The following BBS2 variants were observed in gnomAD, a reference collection of about 807,000 sequenced individuals.
The protein encoded by BBS2 is BBSome complex member BBS2.
A neutral mutation model predicts 83.0 loss-of-function variants in BBS2; 62 were observed. That is an observed-to-expected ratio of 0.75 (90% confidence interval 0.61 to 0.92). The LOEUF is 0.92. Among genes scored for constraint, BBS2 ranks in the 40% least tolerant of loss-of-function variants. The pLI, the probability that BBS2 is intolerant of heterozygous loss-of-function variation, is 0.00. For synonymous variants in BBS2, 303 were observed against 326.1 expected (o/e 0.93, Z 0.76); for missense variants, 784 against 901.0 (o/e 0.87, Z 1.66).
intron 17 of BBS2, chr16:56,479,179 T>C (rs1248016641): frequency 3.3e-5 from 5 of 152,176 alleles, no homozygotes; most frequent in African/African-American, 1.2e-4. Context: ...CCAAAGAAAA[T>C]AGCTCTATGG....
chr16:56,494,894 G>A (rs1026142193), intron 15 of BBS2, among the ~76,000 whole-genome samples: 5 of 151,686 alleles, frequency 3.3e-5, no homozygotes, highest in African/African-American at 7.3e-5. Context: ...CCCGGGAGGC[G>A]GAGGTTGCAG....
At position 56,519,949 on chromosome 16, in the gene BBS2, G is replaced by C; in HGVS notation, c.-87C>G. 1 of 1,159,982 alleles carries C rather than the reference G, an allele frequency of 8.6e-7. No individual in the cohort carries two copies. 71.9% of individuals were successfully genotyped at this position (1,159,982 alleles called of 1,614,324 possible). A position where few individuals can be genotyped will look rare whatever the true frequency, so the allele number is the denominator to read the frequency against. On this transcript the variant is annotated 5_prime_UTR_variant, in exon 1 of 17. Transcript: ENST00000245157. ...CACGCGCCCGGGCAAGAAGTGCAGG[G>C]ACACTACCTGCGCGGCCCCAGCCGC...
At chr16:56,510,644 C>T (rs1214583459) in intron 4 of BBS2, among the ~76,000 whole-genome samples, 1 of 152,166 alleles carries the variant, frequency 6.6e-6, no homozygotes, top group African/African-American at 2.4e-5. Context: ...TCTGAAACAC[C>T]ATGGCTTTGA....
At chr16:56,508,119 G>C (rs1964473690) in intron 5 of BBS2, among the ~76,000 whole-genome samples, 1 of 152,128 alleles carries the variant, frequency 6.6e-6, no homozygotes, top group Non-Finnish European at 1.5e-5. Flanking sequence ...AAGTATAGTA[G>C]GACTAAATAA....
In BBS2 at chr16:56,514,774, C is replaced by T. The variant is rs1964686485; in HGVS notation, c.118-94G>A. ...AAGAACCAGGTTATTAACACATCCA[C>T]ATTAACAAGAGGTCACTTTAATCTC... On this transcript the variant is annotated intron_variant, in intron 1 of 16. Coordinates refer to ENST00000245157, the MANE Select transcript of BBS2 (RefSeq NM_031885.5). 4.3e-6 allele frequency: 4 copies of T among 920,586 alleles called. 1 individual carries two copies. In the South Asian group the frequency reaches 4.6e-5, roughly 11 times the overall value. The allele number at this position is 920,586 out of a possible 1,614,324, so 57.0% of individuals were successfully genotyped here.
At position 56,497,097 on chromosome 16, in the gene BBS2, T is replaced by G. The variant is rs1324625065; in HGVS notation, c.1798-18A>C. ...TCATCCACCTGGAGACCATGAACAC[T>G]CAGGAATGAAAAAGGCCTCACAAAC... On this transcript the variant is annotated intron_variant, in intron 14 of 16. Coordinates refer to ENST00000245157, the MANE Select transcript of BBS2 (RefSeq NM_031885.5). 1 of 1,544,878 alleles carries G rather than the reference T, an allele frequency of 6.5e-7. No individual in the cohort carries two copies. Among genetic ancestry groups the G allele is most frequent in the Non-Finnish European group, 9.0e-7 (1 of 1,117,100 alleles).
At chr16:56,496,621 G>GC (rs1964122416) in intron 15 of BBS2, among the ~76,000 whole-genome samples, 1 of 152,090 alleles carries the variant, frequency 6.6e-6, no homozygotes. Flanking sequence ...GTATTCCATT[G>GC]CATGAATATA....
intron 15 of BBS2, among the ~76,000 whole-genome samples, chr16:56,496,437 A>G (rs1173184218): frequency 1.3e-5 from 2 of 152,158 alleles, no homozygotes; most frequent in Non-Finnish European, 2.9e-5. Context: ...CCCTGAATTT[A>G]TATTTTTATT....
In BBS2 at chr16:56,498,534, G is replaced by C; in HGVS notation, c.1562C>G (p.Pro521Arg). 2 of 1,613,914 alleles carry C rather than the reference G, an allele frequency of 1.2e-6. No individual in the cohort carries two copies. The highest frequency in any genetic ancestry group is 1.7e-6 in the Non-Finnish European group (2 of 1,179,992). ...AGCATTCTGAATGTGAGTGTCTTCTGGTAACAGAAAGTTCTGACCGAGCCA... is the reference window on the plus strand; with the variant it reads ...AGCATTCTGAATGTGAGTGTCTTCTCGTAACAGAAAGTTCTGACCGAGCCA... ...VVWLGQNFLLPEDTHIQNAPF... is the reference protein window; with the variant it reads ...VVWLGQNFLLREDTHIQNAPF... The change falls in exon 13 of 17, where the codon CCA becomes CGA. Residue 521 changes from proline to arginine, a missense_variant. Coordinates refer to ENST00000245157, the MANE Select transcript of BBS2 (RefSeq NM_031885.5).
intron 9 of BBS2, chr16:56,501,819 A>G: frequency 2.5e-6 from 1 of 397,278 alleles, no homozygotes; most frequent in South Asian, 2.5e-5. Flanking sequence ...ACAGTAATGC[A>G]TTACAGGACA....
intron 11 of BBS2, 79 bp downstream of exon 11, chr16:56,500,775 C>G: frequency 2.7e-6 from 4 of 1,473,456 alleles, no homozygotes; most frequent in Non-Finnish European, 3.8e-6. Context: ...CAAGAATCCA[C>G]TGGGCATATG....
chr16:56,515,566 G>A (rs995667930), intron 1 of BBS2, among the ~76,000 whole-genome samples: 9 of 152,080 alleles, frequency 5.9e-5, no homozygotes, highest in African/African-American at 2.2e-4. Flanking sequence ...ACTGGACTAG[G>A]GATCCCTCTA....
At chr16:56,479,557 G>A (rs1567561427), downstream of BBS2, among the ~76,000 whole-genome samples, 1 of 152,148 alleles carries the variant, frequency 6.6e-6, no homozygotes, top group Non-Finnish European at 1.5e-5. Context: ...AATATCTAAG[G>A]ATCACCTGAA....
At position 56,519,757 on chromosome 16, in the gene BBS2, G is replaced by T; in HGVS notation, c.106C>A (p.Gln36Lys). 1 of 1,613,106 alleles carries T rather than the reference G, an allele frequency of 6.2e-7. No homozygotes were observed. Among genetic ancestry groups the T allele is most frequent in the East Asian group, 2.2e-5 (1 of 44,858 alleles). ...GTGGGAGCGGTTACCTTGCCCGTTTGGGTGGCGGCCGCCAGGCACGGGTGA... is the reference window on the plus strand; with the variant it reads ...GTGGGAGCGGTTACCTTGCCCGTTTTGGTGGCGGCCGCCAGGCACGGGTGA... ...GTHPCLAAAT[Q>K]TGKVFIHNPH... Residue 36 changes from glutamine to lysine, a missense_variant, in exon 1 of 17, where the codon CAA (glutamine) becomes AAA (lysine). Coordinates refer to ENST00000245157, the MANE Select transcript of BBS2 (RefSeq NM_031885.5).
At chr16:56,519,725 C>T (rs1964865066) in intron 1 of BBS2, 21 bp downstream of exon 1, 6 of 1,595,326 alleles carry the variant, frequency 3.8e-6, no homozygotes, top group Non-Finnish European at 5.2e-6. Context: ...GCCCGGGCTC[C>T]CTGCGGGTGG....
chr16:56,485,685 A>G lies in BBS2; in HGVS notation c.1964T>C (p.Leu655Pro), dbSNP rs2144095663. ...MELYDLNRDL[L>P]NGYKIRCNNH... ...GTTACAGCGAATTTTATATCCATTT[A>G]GCAAGTCTCTATTAAGGTCATAGAG... The change falls in exon 16 of 17, where the codon CTA (leucine) becomes CCA (proline). Residue 655 changes from leucine to proline, a missense_variant. Leu to Pro is a moderately conservative substitution (Grantham distance 98). Transcript: ENST00000245157. 6.2e-7 allele frequency: 1 copy of G among 1,613,952 alleles called. No homozygotes were observed. The highest frequency in any genetic ancestry group is 8.5e-7 in the Non-Finnish European group (1 of 1,179,824).
intron 17 of BBS2, chr16:56,475,355 G>A (rs188714940): frequency 3.9e-4 from 286 of 731,482 alleles, no homozygotes; most frequent in Admixed American, 1.1e-3. Flanking sequence ...TGATAAACTA[G>A]ATGATAAGTT....
In BBS2 at chr16:56,502,778, C is replaced by A. The variant is rs769749407; in HGVS notation, c.835G>T (p.Val279Phe). ...VDARSDRTGEVIFKDNFSSAI... is the reference protein window; with the variant it reads ...VDARSDRTGEFIFKDNFSSAI... The stretch of plus-strand genomic sequence containing the variant: ...GAAGAAAAATTGTCCTTAAAGATGA[C>A]CTCCCCAGTTCGGTCACTTCGAGCA... Residue 279 changes from valine (V) to phenylalanine (F), a missense_variant, in exon 8 of 17, where the codon GTC becomes TTC. Transcript: ENST00000245157. The A allele has an allele frequency of 1.2e-6, 2 of 1,614,174 alleles. No homozygotes were observed. Among genetic ancestry groups the A allele is most frequent in the Non-Finnish European group, 1.7e-6 (2 of 1,180,034 alleles).
In BBS2 at chr16:56,499,909, T is replaced by C. The variant is rs767609303; in HGVS notation, c.1398-2A>G. 6.2e-7 allele frequency: 1 copy of C among 1,613,898 alleles called. No homozygotes were observed. Among genetic ancestry groups the C allele is most frequent in the Non-Finnish European group, 8.5e-7 (1 of 1,179,954 alleles). On this transcript the variant is annotated splice_acceptor_variant, in intron 11 of 16. Coordinates refer to ENST00000245157, the MANE Select transcript of BBS2 (RefSeq NM_031885.5). LOFTEE classifies it high-confidence loss of function. ...GATTCAAATACATGAAACTGGGTGC[T>C]ATGGCCAATCAATGAAACACAAGAG... is the stretch of plus-strand genomic sequence containing the variant.
Sources: gnomAD v4.1 joint callset for allele counts (sites outside exome capture counted in the v4.1 genomes callset) on GRCh38, gnomAD v4.1.1 for gene constraint, MANE v1.5 for transcripts, NCBI Gene and HGNC (gene_info 2026-07-23, HGNC 2026-07-21) for gene names.